PWWP2B: variants seen among roughly 807,000 people sequenced by gnomAD.
PWWP2B encodes PWWP domain-containing protein 2B.
Under a neutral mutation model 15.5 loss-of-function variants are expected in PWWP2B, and 9 were observed. The ratio of observed to expected loss-of-function variants is 0.58; its 90% confidence interval spans 0.35 to 1.02. The LOEUF (loss-of-function observed/expected upper bound fraction) is 1.02. Among genes scored for constraint, PWWP2B ranks in the 50% least tolerant of loss-of-function variants. PWWP2B has a pLI of 0.02. For missense variants in PWWP2B, 864 were observed against 865.3 expected (o/e 1.00, Z 0.02); for synonymous variants, 474 against 403.6 (o/e 1.17, Z -2.09).
chr10:132,405,783 T>G lies in PWWP2B; in HGVS notation c.1283T>G (p.Leu428Arg). Residue 428 changes from leucine (L) to arginine (R), a missense_variant, in exon 2 of 3, where the codon CTG (leucine) becomes CGG (arginine). Transcript: ENST00000305233. ...ASESACSSDSLDEARSSGSEG... is the reference protein window; with the variant it reads ...ASESACSSDSRDEARSSGSEG... ...GAGTCGGCGTGCAGCAGCGACAGCC[T>G]GGACGAGGCCAGATCGTCCGGCTCG... is the stretch of plus-strand genomic sequence containing the variant. 6.2e-7 allele frequency: 1 copy of G among 1,607,264 alleles called. No individual in the cohort carries two copies. Among genetic ancestry groups the G allele is most frequent in the Middle Eastern group, 1.7e-4 (1 of 6,060 alleles).
chr10:132,404,002 T>TTCTC (rs1554906541), intron 1 of PWWP2B, among the ~76,000 whole-genome samples: 1 of 29,534 alleles, frequency 3.4e-5, no homozygotes, highest in East Asian at 7.5e-4. Context: ...TAGGACGGCA[T>TTCTC]TCTCCAGGGC....
At chr10:132,415,708 CAT>C (rs927085915) in intron 2 of PWWP2B, among the ~76,000 whole-genome samples, 3 of 133,074 alleles carry the variant, frequency 2.3e-5, no homozygotes, top group African/African-American at 8.9e-5. Flanking sequence ...CTCTCACACA[CAT>C]CCACTCACAC....
At chr10:132,398,848 A>T (rs377686012) in intron 1 of PWWP2B, among the ~76,000 whole-genome samples, 4 of 152,200 alleles carry the variant, frequency 2.6e-5, no homozygotes, top group African/African-American at 9.6e-5. Context: ...ACAGCCACTT[A>T]GCAGCCAACC....
intron 1 of PWWP2B, among the ~76,000 whole-genome samples, chr10:132,403,818 C>T (rs1564872868): frequency 7.0e-6 from 1 of 143,716 alleles, no homozygotes; most frequent in Non-Finnish European, 1.5e-5. Flanking sequence ...TGCCCCTTCC[C>T]CTGCAGCTCG....
Position 132,404,760 on chromosome 10 carries a change from C to T in PWWP2B, c.260C>T (p.Pro87Leu), listed in dbSNP as rs370106470. The T allele has an allele frequency of 1.4e-5, 22 of 1,588,272 alleles. No individual in the cohort carries two copies. Among genetic ancestry groups the T allele is most frequent in the African/African-American group, 1.3e-4 (10 of 74,494 alleles). The stretch of plus-strand genomic sequence containing the variant: ...CAGCTGGGGTCCAGCTCCCCCCCTC[C>T]TGCCCGCGGGGTTCAGCCCCCCGAG... ...VMQLGSSSPP[P>L]ARGVQPPETT... Residue 87 changes from proline to leucine, a missense_variant, in exon 2 of 3, where the codon CCT becomes CTT. This residue lies in a region of PWWP2B where 736 missense variants were observed against 687.7 expected (regional missense o/e 1.07). Transcript: ENST00000305233.
At chr10:132,417,005 G>A in intron 2 of PWWP2B, 56 bp from the exon 3 acceptor site, 1 of 1,603,256 alleles carries the variant, frequency 6.2e-7, no homozygotes, top group Non-Finnish European at 8.5e-7. Context: ...TTGAGGGGCT[G>A]GTCCCCCATA....
chr10:132,408,444 C>G (rs1190151116), intron 2 of PWWP2B, among the ~76,000 whole-genome samples: 1 of 152,226 alleles, frequency 6.6e-6, no homozygotes, highest in African/African-American at 2.4e-5. Flanking sequence ...AGGCGCCTCT[C>G]TGAGCAGAGG....
At chr10:132,403,981 C>G (rs1357446893) in intron 1 of PWWP2B, among the ~76,000 whole-genome samples, 1 of 152,024 alleles carries the variant, frequency 6.6e-6, no homozygotes, top group East Asian at 1.9e-4. Flanking sequence ...GCACCTGGAA[C>G]CCTGCTCCCG....
In PWWP2B at chr10:132,404,872, C is replaced by A. The variant is rs1205352618; in HGVS notation, c.372C>A (p.Ala124=). 1 of 1,592,932 alleles carries A rather than the reference C, an allele frequency of 6.3e-7. No homozygotes were observed. The highest frequency in any genetic ancestry group is 8.5e-7 in the Non-Finnish European group (1 of 1,176,794). ...LPPYPPYFEG[A]PFPHPLWLRD... ...CGTACCCTCCCTACTTCGAAGGCGC[C>A]CCCTTCCCTCACCCGCTGTGGCTCC... The change falls in exon 2 of 3, where the codon GCC becomes GCA. Residue 124 remains alanine (A), a synonymous_variant. Transcript: ENST00000305233.
chr10:132,415,262 G>C (rs1388506788), intron 2 of PWWP2B, among the ~76,000 whole-genome samples: 1 of 97,978 alleles, frequency 1.0e-5, no homozygotes, highest in Non-Finnish European at 2.2e-5. Flanking sequence ...ACACACACCC[G>C]CTCACACATT....
intron 1 of PWWP2B, among the ~76,000 whole-genome samples, chr10:132,400,647 C>T (rs912831194): frequency 9.2e-5 from 14 of 152,216 alleles, no homozygotes; most frequent in Non-Finnish European, 2.1e-4. Flanking sequence ...GCCCTTTTCC[C>T]GCATGCTGTC....
Position 132,397,232 on chromosome 10 carries a change from G to T in PWWP2B, c.6G>T (p.Glu2Asp). Residue 2 changes from glutamate to aspartate, a missense_variant, in exon 1 of 3, where the codon GAG (glutamate) becomes GAT (aspartate). Around this residue, in one of 2 missense-constraint regions of PWWP2B, gnomAD observed 736 missense variants for 687.7 expected, o/e 1.07. Transcript: ENST00000305233. ...GCCTGGGACGCGGCGGGAGCATGGAGCCGCGCGCCGGCTGCCGGCTGCCGG... is the reference window on the plus strand; with the variant it reads ...GCCTGGGACGCGGCGGGAGCATGGATCCGCGCGCCGGCTGCCGGCTGCCGG... Reference protein sequence around the residue: MEPRAGCRLPVR... With the variant: MDPRAGCRLPVR... 1 of 1,199,126 alleles carries T rather than the reference G, an allele frequency of 8.3e-7. No individual in the cohort carries two copies. The highest frequency in any genetic ancestry group is 1.0e-6 in the Non-Finnish European group (1 of 959,746). The allele number at this position is 1,199,126 out of a possible 1,614,324, so 74.3% of individuals were successfully genotyped here.
At position 132,398,720 on chromosome 10, in the gene PWWP2B, C is replaced by T. The variant is rs114232067; in HGVS notation, c.125+1369C>T. On this transcript the variant is annotated intron_variant, in intron 1 of 2. Coordinates refer to ENST00000305233, the MANE Select transcript of PWWP2B (RefSeq NM_138499.4). ...TCCCCTTCATGGAAAAAACCAGGCC[C>T]GATGGGACCCCCGGCGTGGGAACTG... is the stretch of plus-strand genomic sequence containing the variant. Among the ~76,000 whole-genome samples the T allele has an allele frequency of 9.7e-3, 1,478 of 152,316 alleles. 31 individuals carry two copies. Among genetic ancestry groups the T allele is most frequent in the African/African-American group, 0.033 (1,386 of 41,544 alleles).
At position 132,404,706 on chromosome 10, in the gene PWWP2B, C is replaced by G. The variant is rs539073500; in HGVS notation, c.206C>G (p.Ala69Gly). The G allele has an allele frequency of 9.7e-5, 157 of 1,612,270 alleles. 1 individual carries two copies. In the South Asian group the frequency reaches 1.7e-3, roughly 17 times the overall value. The change falls in exon 2 of 3, where the codon GCT becomes GGT. Residue 69 changes from alanine (A) to glycine (G), a missense_variant. Ala to Gly is a moderately conservative substitution (Grantham distance 60). Around this residue, in one of 2 missense-constraint regions of PWWP2B, gnomAD observed 736 missense variants for 687.7 expected, o/e 1.07. Coordinates refer to ENST00000305233, the MANE Select transcript of PWWP2B (RefSeq NM_138499.4). ...CCTGTCAACGACAGCCATGGCCGGG[C>G]TCCCGAGGAGGGGGATGCAGAGGTG... is the stretch of plus-strand genomic sequence containing the variant. ...ESPVNDSHGRAPEEGDAEVMQ... is the reference protein window; with the variant it reads ...ESPVNDSHGRGPEEGDAEVMQ...
intron 2 of PWWP2B, among the ~76,000 whole-genome samples, chr10:132,411,062 G>A (rs541646488): frequency 1.3e-5 from 2 of 152,220 alleles, no homozygotes; most frequent in Non-Finnish European, 2.9e-5. Context: ...TGTAGCTGCT[G>A]TAACAAACCT....
chr10:132,410,920 C>G (rs116102213), intron 2 of PWWP2B, among the ~76,000 whole-genome samples: 3,320 of 152,308 alleles, frequency 0.022, 114 homozygotes, highest in African/African-American at 0.074. Context: ...CCAACCCTTT[C>G]CCCTCCTGCC....
At chr10:132,399,653 C>T (rs955222125) in intron 1 of PWWP2B, among the ~76,000 whole-genome samples, 1 of 152,278 alleles carries the variant, frequency 6.6e-6, no homozygotes, top group Non-Finnish European at 1.5e-5. Flanking sequence ...AGGAAGTGGG[C>T]TGAGCCCGGA....
At chr10:132,416,949 G>A (rs1279401421) in intron 2 of PWWP2B, 112 bp from the exon 3 acceptor site, 1 of 1,137,490 alleles carries the variant, frequency 8.8e-7, no homozygotes, top group South Asian at 1.3e-5. Context: ...GGAGGTCCCG[G>A]GTGAGCCTCA....
chr10:132,416,803 C>T (rs779257392), intron 2 of PWWP2B, among the ~76,000 whole-genome samples: 27 of 152,128 alleles, frequency 1.8e-4, no homozygotes, highest in Non-Finnish European at 3.8e-4. Flanking sequence ...CGTGGCCCTG[C>T]GTGTAGGGCC....
Sources: gnomAD v4.1 joint callset for allele counts (sites outside exome capture counted in the v4.1 genomes callset) on GRCh38, gnomAD v4.1.1 for gene constraint, gnomAD v4.1.1 regional missense constraint, MANE v1.5 for transcripts, NCBI Gene and HGNC (gene_info 2026-07-23, HGNC 2026-07-21) for gene names.